The following TGS1 variants were observed in gnomAD, a reference collection of about 807,000 sequenced individuals.
The protein encoded by TGS1 is trimethylguanosine synthase 1.
In TGS1, 69 loss-of-function variants were observed where a neutral mutation model predicts 92.2. The ratio of observed to expected loss-of-function variants is 0.75; its 90% CI spans 0.62 to 0.91. The LOEUF (loss-of-function observed/expected upper bound fraction) is 0.91. Ranked by LOEUF, TGS1 falls within the 40% of genes least tolerant of loss-of-function variation. The pLI is 0.00. For missense variants in TGS1, 1,062 were observed against 1,001.2 expected (o/e 1.06, Z -0.82); for synonymous variants, 345 against 338.1 (o/e 1.02, Z -0.22).
chr8:55,808,807 G>A (rs1231609836), intron 10 of TGS1, among the ~76,000 whole-genome samples: 3 of 152,126 alleles, frequency 2.0e-5, no homozygotes, highest in African/African-American at 4.8e-5. Flanking sequence ...ACCACCCCTA[G>A]CCTGTAGTGG....
intron 8 of TGS1, 128 bp from the exon 9 acceptor site, chr8:55,802,329 C>T (rs1281566902): frequency 1.4e-6 from 1 of 705,076 alleles, no homozygotes; most frequent in Admixed American, 2.6e-5. Context: ...TCTCCTGTTT[C>T]TCTGGGCGTG....
rs776961562 is a variant in TGS1, at chr8:55,807,220, G to A, written c.2143+2184G>A. Among the ~76,000 whole-genome samples, 55 of 151,898 alleles carry A rather than the reference G, an allele frequency of 3.6e-4. 1 individual carries two copies. The highest frequency in any genetic ancestry group is 2.2e-4 in the Non-Finnish European group (15 of 67,970). On this transcript the variant is annotated intron_variant, in intron 10 of 12. Transcript: ENST00000260129. ...TGGGATTACAGGCGTGAGCCACCACGCCCGGCCATTTAACCTTAATTTAAA... is the reference window on the plus strand; with the variant it reads ...TGGGATTACAGGCGTGAGCCACCACACCCGGCCATTTAACCTTAATTTAAA...
chr8:55,809,311 A>G (rs1296163915), intron 10 of TGS1, among the ~76,000 whole-genome samples: 2 of 152,214 alleles, frequency 1.3e-5, no homozygotes, highest in African/African-American at 2.4e-5. Flanking sequence ...TAGTTTAGCA[A>G]CAGTACTGCG....
chr8:55,792,667 G>A, intron 5 of TGS1, 31 bp from the exon 6 acceptor site: 1 of 1,515,838 alleles, frequency 6.6e-7, no homozygotes, highest in East Asian at 2.3e-5. Context: ...GGTGGTAATG[G>A]CTTATCACTG....
chr8:55,821,180 A>G (rs976827061), intron 12 of TGS1, among the ~76,000 whole-genome samples: 1 of 152,236 alleles, frequency 6.6e-6, no homozygotes, highest in African/African-American at 2.4e-5. Context: ...CACTAAGTAC[A>G]TAAGAGTTTT....
chr8:55,818,776 G>A (rs1803550903), intron 12 of TGS1, among the ~76,000 whole-genome samples: 1 of 152,146 alleles, frequency 6.6e-6, no homozygotes, highest in Non-Finnish European at 1.5e-5. Flanking sequence ...GAAATTAGAG[G>A]GATATCCAGC....
intron 12 of TGS1, among the ~76,000 whole-genome samples, chr8:55,816,352 A>G (rs1478082743): frequency 6.6e-6 from 1 of 152,124 alleles, no homozygotes; most frequent in East Asian, 1.9e-4. Context: ...ATTATCAAAC[A>G]CCACCTTTGT....
At position 55,805,142 on chromosome 8, in the gene TGS1, AT is replaced by A. The variant is rs1455618064; in HGVS notation, c.2143+109del. Reference sequence around the variant, plus strand: ...ACTGAGATTTAATATATAATTAATAATTTAATATGAAATGATATAAAATAAT... The same window carrying A: ...ACTGAGATTTAATATATAATTAATAATTAATATGAAATGATATAAAATAAT... On this transcript the variant is annotated intron_variant, in intron 10 of 12. Transcript: ENST00000260129. 11 of 764,386 alleles carry A rather than the reference AT, an allele frequency of 1.4e-5. No homozygotes were observed. The East Asian group carries it at 3.7e-4, about 26-fold the overall frequency. The allele number at this position is 764,386 out of a possible 1,614,324, so 47.4% of individuals were successfully genotyped here.
chr8:55,812,530 A>C (rs964417920), intron 11 of TGS1, among the ~76,000 whole-genome samples: 3 of 149,424 alleles, frequency 2.0e-5, no homozygotes. Context: ...AGTGTAAATT[A>C]GCTGGGCATG....
intron 5 of TGS1, among the ~76,000 whole-genome samples, chr8:55,791,168 T>G (rs946611684): frequency 7.9e-5 from 12 of 152,178 alleles, no homozygotes; most frequent in Non-Finnish European, 1.5e-4. Flanking sequence ...CCAGATCAAC[T>G]CTACTCGAAG....
At position 55,773,705 on chromosome 8, in the gene TGS1, C is replaced by CA. The variant is rs1461512691; in HGVS notation, c.88dup (p.Arg30LysfsTer47). 6.2e-7 allele frequency: 1 copy of CA among 1,610,018 alleles called. No individual in the cohort carries two copies. The highest frequency in any genetic ancestry group is 1.1e-5 in the South Asian group (1 of 90,324). The stretch of plus-strand genomic sequence containing the variant: ...ATTGTAAGATACTGTGCCTTTGCTC[C>CA]AGGGCATTTGTGGAGTAAGTAGAAA... On this transcript the variant is annotated frameshift_variant, in exon 1 of 13. Transcript: ENST00000260129. LOFTEE classifies it high-confidence loss of function.
chr8:55,806,923 A>T (rs1328937484), intron 10 of TGS1, among the ~76,000 whole-genome samples: 3 of 150,340 alleles, frequency 2.0e-5, no homozygotes, highest in Non-Finnish European at 3.0e-5. Flanking sequence ...TTATTTATTT[A>T]ATTTTTTTTT....
chr8:55,799,893 T>G (rs1812174723), intron 8 of TGS1, among the ~76,000 whole-genome samples: 1 of 152,046 alleles, frequency 6.6e-6, no homozygotes, highest in Admixed American at 6.5e-5. Context: ...TTTGGTGTGT[T>G]TTTGTGTGTT....
At chr8:55,811,138 TG>T (rs747316558) in intron 11 of TGS1, 41 bp downstream of exon 11, 2 of 1,162,514 alleles carry the variant, frequency 1.7e-6, no homozygotes, top group African/African-American at 3.4e-5. Flanking sequence ...AAACAATGAT[TG>T]TGGAGAGAAA....
intron 1 of TGS1, among the ~76,000 whole-genome samples, chr8:55,779,736 AC>A (rs1450302143): frequency 6.6e-6 from 1 of 152,226 alleles, no homozygotes; most frequent in Non-Finnish European, 1.5e-5. Flanking sequence ...AGAAAATAAT[AC>A]ACAATTGGAT....
chr8:55,806,489 C>G (rs1029946957), intron 10 of TGS1, among the ~76,000 whole-genome samples: 4 of 149,568 alleles, frequency 2.7e-5, no homozygotes, highest in African/African-American at 9.8e-5. Flanking sequence ...TTTAGTAATA[C>G]TACATATAAT....
At position 55,796,884 on chromosome 8, in the gene TGS1, G is replaced by A. The variant is rs533025003; in HGVS notation, c.1542+732G>A. Among the ~76,000 whole-genome samples the A allele has an allele frequency of 5.3e-5, 8 of 152,152 alleles. No homozygotes were observed. The East Asian group carries it at 1.3e-3, about 26-fold the overall frequency. ...CGGGTGCCTGTAATCCCAGCTACTC[G>A]GGAGGCTGAGGCAGGAGAATTGCTT... On this transcript the variant is annotated intron_variant, in intron 7 of 12. Coordinates refer to ENST00000260129, the MANE Select transcript of TGS1 (RefSeq NM_024831.8).
rs1343805537 is a variant in TGS1 at position 55,825,902 on chromosome 8, C to T, written c.*1199C>T. Among the ~76,000 whole-genome samples the T allele has an allele frequency of 2.0e-5, 3 of 150,248 alleles. No homozygotes were observed. The highest frequency in any genetic ancestry group is 3.9e-4 in the East Asian group (2 of 5,164). ...TTTTTTTTTTTTAGACAGAGTCTTG[C>T]TCTGTCGCCCAGGCTGGAGTGCAAT... On this transcript the variant is annotated 3_prime_UTR_variant, in exon 13 of 13. Coordinates refer to ENST00000260129, the MANE Select transcript of TGS1 (RefSeq NM_024831.8).
chr8:55,816,037 T>G (rs1296632683), intron 12 of TGS1, among the ~76,000 whole-genome samples: 1 of 152,016 alleles, frequency 6.6e-6, no homozygotes, highest in African/African-American at 2.4e-5. Context: ...CACTGCAACC[T>G]CAAATTCCTG....
Sources: allele counts gnomAD v4.1 joint callset (sites outside exome capture counted in the v4.1 genomes callset), GRCh38; gene constraint gnomAD v4.1.1; transcripts MANE v1.5; gene names NCBI Gene and HGNC (gene_info 2026-07-23, HGNC 2026-07-21).